The following CIMAP2 variants were observed in gnomAD, a reference collection of about 807,000 sequenced individuals.
The protein encoded by CIMAP2 is ciliary microtubule-associated protein 2.
chr1:54,828,167 A>G, the CIMAP2 span, among the ~76,000 whole-genome samples: 5 of 152,248 alleles, frequency 3.3e-5, no homozygotes, highest in African/African-American at 1.2e-4. Context: ...TACAATTGAT[A>G]ATGATATGTG....
chr1:54,819,951 CTT>C, the CIMAP2 span, among the ~76,000 whole-genome samples: 23 of 103,904 alleles, frequency 2.2e-4, no homozygotes, highest in East Asian at 1.3e-3. Flanking sequence ...TTCTGTCCTT[CTT>C]TCTTTCTCTT....
At chr1:54,827,371 C>T in the CIMAP2 span, among the ~76,000 whole-genome samples, 1 of 152,226 alleles carries the variant, frequency 6.6e-6, no homozygotes, top group South Asian at 2.1e-4. Flanking sequence ...ATGCTGTTTG[C>T]TTAGCAAAAG....
At chr1:54,816,844 G>T in the CIMAP2 span, 1 of 1,093,636 alleles carries the variant, frequency 9.1e-7, no homozygotes. Flanking sequence ...GTTGCTCGGG[G>T]TTGGGACCTC....
chr1:54,832,125 A>G, the CIMAP2 span, among the ~76,000 whole-genome samples: 1 of 152,242 alleles, frequency 6.6e-6, no homozygotes, highest in Non-Finnish European at 1.5e-5. Context: ...AATTACAGGC[A>G]TGAACCACCA....
chr1:54,834,176 T>C, the CIMAP2 span, among the ~76,000 whole-genome samples: 1 of 152,228 alleles, frequency 6.6e-6, no homozygotes, highest in Non-Finnish European at 1.5e-5. Context: ...ACAGTTTTTG[T>C]TTGGAAAACT....
At chr1:54,811,765 G>GCCGGGGGGGGGCCCCCCCCC in the CIMAP2 span, 32 of 1,301,262 alleles carry the variant, frequency 2.5e-5, no homozygotes, top group East Asian at 5.0e-5. Flanking sequence ...GGTTCTGACA[G>GCCGGGGGGGGGCCCCCCCCC]CCTCCATGCC....
chr1:54,817,154 C>T, the CIMAP2 span: 18 of 1,611,410 alleles, frequency 1.1e-5, no homozygotes, highest in Admixed American at 1.0e-4. Context: ...GGCGAAGGGG[C>T]GAGGGCGGTG....
chr1:54,811,765 G>GCCGGGGGGGGGGGGGGGGCGCCCCCCC, the CIMAP2 span: 1 of 1,301,332 alleles, frequency 7.7e-7, no homozygotes. Flanking sequence ...GGTTCTGACA[G>GCCGGGGGGGGGGGGGGGGCGCCCCCCC]CCTCCATGCC....
chr1:54,816,995 G>A, the CIMAP2 span: 1 of 1,614,172 alleles, frequency 6.2e-7, no homozygotes, highest in Non-Finnish European at 8.5e-7. Context: ...GCAGAACCCA[G>A]TAGGTGTGGG....
At chr1:54,814,129 C>G in the CIMAP2 span, among the ~76,000 whole-genome samples, 1 of 152,114 alleles carries the variant, frequency 6.6e-6, no homozygotes, top group Non-Finnish European at 1.5e-5. Context: ...CATTGGGACA[C>G]TTTAGGTGAG....
the CIMAP2 span, among the ~76,000 whole-genome samples, chr1:54,838,160 G>A: frequency 6.6e-6 from 1 of 152,094 alleles, no homozygotes; most frequent in Non-Finnish European, 1.5e-5. Flanking sequence ...AAGGTTGACT[G>A]TGTGCCAGGC....
chr1:54,835,714 G>A, the CIMAP2 span, among the ~76,000 whole-genome samples: 9 of 152,264 alleles, frequency 5.9e-5, no homozygotes, highest in South Asian at 1.7e-3. Context: ...AAGAGAATCA[G>A]ACAGCAGTCT....
the CIMAP2 span, chr1:54,807,414 G>C: frequency 2.3e-6 from 3 of 1,320,774 alleles, no homozygotes; most frequent in Non-Finnish European, 3.0e-6. Flanking sequence ...GGAGCCACAG[G>C]GGGATTGCCT....
At chr1:54,835,382 G>C in the CIMAP2 span, among the ~76,000 whole-genome samples, 1 of 151,408 alleles carries the variant, frequency 6.6e-6, no homozygotes, top group African/African-American at 2.5e-5. Context: ...TGTACAGGAG[G>C]TTTCACCATG....
At chr1:54,811,768 T>TGGGGGGCCCCCCCCCCCCC in the CIMAP2 span, 1 of 533,354 alleles carries the variant, frequency 1.9e-6, no homozygotes, top group Non-Finnish European at 3.7e-6. Flanking sequence ...TCTGACAGCC[T>TGGGGGGCCCCCCCCCCCCC]CCATGCCCCC....
At chr1:54,814,854 G>C in the CIMAP2 span, 1 of 1,608,914 alleles carries the variant, frequency 6.2e-7, no homozygotes, top group Non-Finnish European at 8.5e-7. Flanking sequence ...CACCTGCCCT[G>C]GGCCCAGGCT....
chr1:54,817,077 G>T, the CIMAP2 span: 1 of 1,614,200 alleles, frequency 6.2e-7, no homozygotes, highest in East Asian at 2.2e-5. Context: ...TTCCTGAGTG[G>T]ATCCAAACGC....
At chr1:54,834,941 A>G in the CIMAP2 span, among the ~76,000 whole-genome samples, 60,293 of 151,926 alleles carry the variant, frequency 0.4, 12,743 homozygotes, top group African/African-American at 0.53. Context: ...CTATCTTTCT[A>G]CCTATCTGTC....
chr1:54,828,040 T>G, the CIMAP2 span, among the ~76,000 whole-genome samples: 5 of 152,110 alleles, frequency 3.3e-5, no homozygotes, highest in African/African-American at 1.2e-4. Context: ...AAGAACAAGA[T>G]AGGGATGCTT....
Sources: allele counts gnomAD v4.1 joint callset (sites outside exome capture counted in the v4.1 genomes callset), GRCh38; gene constraint gnomAD v4.1.1; transcripts MANE v1.5; gene names NCBI Gene and HGNC (gene_info 2026-07-23, HGNC 2026-07-21).